SRBD1: variants seen among roughly 807,000 people sequenced by gnomAD.
SRBD1 encodes the protein S1 RNA-binding domain-containing protein 1.
In SRBD1, 88 loss-of-function variants were observed where a neutral mutation model predicts 115.3. The ratio of observed to expected loss-of-function variants is 0.76; its 90% CI spans 0.64 to 0.91. SRBD1 has a LOEUF of 0.91. SRBD1 is among the 40% of genes least tolerant of loss of function. The pLI is 0.00. For synonymous variants in SRBD1, 509 were observed against 407.7 expected, an observed-to-expected ratio of 1.25 and a Z score of -2.99; for missense variants, 1,385 against 1,177.4, an observed-to-expected ratio of 1.18 and a Z score of -2.58.
chr2:45,504,240 T>A (rs1670728471), intron 14 of SRBD1, among the ~76,000 whole-genome samples: 1 of 152,160 alleles, frequency 6.6e-6, no homozygotes, highest in African/African-American at 2.4e-5. Flanking sequence ...CTTTTCCACG[T>A]GCCACTTAAA....
At chr2:45,418,842 T>C (rs2103631436) in intron 17 of SRBD1, among the ~76,000 whole-genome samples, 1 of 152,342 alleles carries the variant, frequency 6.6e-6, no homozygotes, top group African/African-American at 2.4e-5. Context: ...TCTATACTAT[T>C]CACATTCCTT....
intron 12 of SRBD1, among the ~76,000 whole-genome samples, chr2:45,549,788 A>G (rs1406926234): frequency 6.6e-6 from 1 of 151,736 alleles, no homozygotes; most frequent in East Asian, 1.9e-4. Context: ...GTTTGAGCAC[A>G]GGAAGCAGAG....
intron 14 of SRBD1, among the ~76,000 whole-genome samples, chr2:45,502,570 C>G (rs1670666907): frequency 6.6e-6 from 1 of 151,910 alleles, no homozygotes; most frequent in Non-Finnish European, 1.5e-5. Context: ...TCTCAGCAAA[C>G]TATCGCAGGG....
At chr2:45,405,961 A>G (rs3770244) in intron 19 of SRBD1, among the ~76,000 whole-genome samples, 87,904 of 151,834 alleles carry the variant, frequency 0.58, 26,564 homozygotes, top group Non-Finnish European at 0.69. Flanking sequence ...GCTTTTCGGA[A>G]GTGAGGAATA....
intron 16 of SRBD1, among the ~76,000 whole-genome samples, chr2:45,422,758 C>G (rs3770247): frequency 0.57 from 86,944 of 152,042 alleles, 26,036 homozygotes; most frequent in Non-Finnish European, 0.68. Context: ...AGAGCTGATT[C>G]TTTCAACCAA....
At position 45,471,257 on chromosome 2, in the gene SRBD1, GT is replaced by G. The variant is rs374332820; in HGVS notation, c.2049+5735del. On this transcript the variant is annotated intron_variant, in intron 16 of 20. Transcript: ENST00000263736. ...TCAACAAGTATCAGTCACCTGCTTA[GT>G]TTTTTTTCTTCAATGTAAACACATG... 1.5e-4 allele frequency among the ~76,000 whole-genome samples: 23 copies of G among 152,038 alleles called. No individual in the cohort carries two copies. The South Asian group carries it at 4.1e-3, about 27-fold the overall frequency.
intron 7 of SRBD1, among the ~76,000 whole-genome samples, chr2:45,578,123 G>T (rs1277523061): frequency 6.6e-6 from 1 of 152,148 alleles, no homozygotes; most frequent in Non-Finnish European, 1.5e-5. Context: ...GGTACCAAAG[G>T]TAGTGAGAAG....
chr2:45,466,187 G>C (rs543581903), intron 16 of SRBD1, among the ~76,000 whole-genome samples: 53 of 152,202 alleles, frequency 3.5e-4, no homozygotes, highest in Non-Finnish European at 6.3e-4. Flanking sequence ...AGTTAGCAGG[G>C]AGTAGGTTCC....
At chr2:45,562,585 C>G (rs1180335814) in intron 10 of SRBD1, 68 bp downstream of exon 10, 4 of 1,254,812 alleles carry the variant, frequency 3.2e-6, no homozygotes, top group Non-Finnish European at 4.5e-6. Flanking sequence ...CATATCAGTA[C>G]ATATAGATAT....
In SRBD1 at chr2:45,389,313, T is replaced by C; in HGVS notation, c.2985A>G (p.Leu995=). The C allele has an allele frequency of 6.2e-7, 1 of 1,613,000 alleles. No homozygotes were observed. The highest frequency in any genetic ancestry group is 8.5e-7 in the Non-Finnish European group (1 of 1,179,208). The change falls in exon 21 of 21, where the codon TTA becomes TTG. Residue 995 remains leucine, a synonymous_variant. Transcript: ENST00000263736. ...SRITLDLIRV[L] ...GCGTCTGGCCTTCGTGGGATACTCA[T>C]AACACCCGAATGAGGTCCAGAGTAA...
intron 14 of SRBD1, among the ~76,000 whole-genome samples, chr2:45,503,900 T>C (rs1670716762): frequency 6.6e-6 from 1 of 152,232 alleles, no homozygotes; most frequent in Admixed American, 6.5e-5. Context: ...AAAACTGTTA[T>C]AATAGGCAGA....
At chr2:45,444,198 G>A (rs546383119) in intron 16 of SRBD1, among the ~76,000 whole-genome samples, 2 of 152,224 alleles carry the variant, frequency 1.3e-5, no homozygotes, top group East Asian at 1.9e-4. Context: ...TTGAGGTCAG[G>A]AGCTTGAGAC....
chr2:45,510,144 A>C (rs1178595658), intron 14 of SRBD1, among the ~76,000 whole-genome samples: 1 of 152,216 alleles, frequency 6.6e-6, no homozygotes, highest in Non-Finnish European at 1.5e-5. Flanking sequence ...ACAAATTAGC[A>C]CGCATGTTTA....
At chr2:45,446,790 G>C (rs955149986) in intron 16 of SRBD1, among the ~76,000 whole-genome samples, 1 of 151,688 alleles carries the variant, frequency 6.6e-6, no homozygotes, top group African/African-American at 2.4e-5. Flanking sequence ...AAAGGAATGA[G>C]CATCAGACTG....
chr2:45,604,196 A>T (rs1674190222), intron 2 of SRBD1, among the ~76,000 whole-genome samples: 1 of 152,140 alleles, frequency 6.6e-6, no homozygotes, highest in African/African-American at 2.4e-5. Context: ...CCAAGAAACC[A>T]GAATATTTTA....
intron 7 of SRBD1, among the ~76,000 whole-genome samples, chr2:45,578,250 A>T (rs1673238619): frequency 6.6e-6 from 1 of 152,222 alleles, no homozygotes; most frequent in African/African-American, 2.4e-5. Flanking sequence ...ACATATGATG[A>T]CTGGGCACAG....
intron 16 of SRBD1, among the ~76,000 whole-genome samples, chr2:45,433,395 A>G (rs1477444562): frequency 3.3e-5 from 5 of 152,184 alleles, no homozygotes; most frequent in Admixed American, 6.5e-5. Context: ...AACATATACA[A>G]TGTTATTTGT....
intron 8 of SRBD1, among the ~76,000 whole-genome samples, chr2:45,573,591 A>G (rs1045626394): frequency 1.3e-5 from 2 of 152,180 alleles, no homozygotes; most frequent in Non-Finnish European, 2.9e-5. Flanking sequence ...ATGAATTCAG[A>G]AACCATCTGC....
intron 1 of SRBD1, among the ~76,000 whole-genome samples, chr2:45,608,246 T>C (rs939344752): frequency 2.0e-5 from 3 of 152,162 alleles, no homozygotes; most frequent in African/African-American, 7.2e-5. Flanking sequence ...CAATATACCA[T>C]GGAAAGATGA....
Sources: gnomAD v4.1 joint callset for allele counts (sites outside exome capture counted in the v4.1 genomes callset) on GRCh38, gnomAD v4.1.1 for gene constraint, MANE v1.5 for transcripts, NCBI Gene and HGNC (gene_info 2026-07-23, HGNC 2026-07-21) for gene names.